The following TMEM164 variants were observed in gnomAD, a reference collection of about 807,000 sequenced individuals.
The protein encoded by TMEM164 is RP13-360B22.2.
Under a neutral mutation model 18.8 loss-of-function variants are expected in TMEM164, and 4 were observed. The observed-to-expected ratio is 0.21, with a 90% CI of 0.10 to 0.49. The LOEUF (loss-of-function observed/expected upper bound fraction) is 0.49. Among genes scored for constraint, TMEM164 ranks in the 20% least tolerant of loss-of-function variants. TMEM164 has a pLI of 0.98. For synonymous variants in TMEM164, 86 were observed against 101.7 expected (o/e 0.85, Z 0.93); for missense variants, 108 against 239.9 (o/e 0.45, Z 3.63).
At chrX:110,099,782 A>C (rs1437720656) in intron 3 of TMEM164, among the ~76,000 whole-genome samples, 1 of 112,002 alleles carries the variant, frequency 8.9e-6, no homozygotes, top group Non-Finnish European at 1.9e-5. Context: ...GACTCTATAG[A>C]TCGTTTTGGT....
chrX:110,117,695 A>G (rs1337389881), intron 4 of TMEM164, among the ~76,000 whole-genome samples: 1 of 112,417 alleles, frequency 8.9e-6, no homozygotes, highest in East Asian at 2.8e-4. Flanking sequence ...AAAATAATAC[A>G]TGGTCATTGA....
chrX:110,069,633 G>A (rs1031415065), intron 3 of TMEM164, among the ~76,000 whole-genome samples: 2 of 105,945 alleles, frequency 1.9e-5, no homozygotes, highest in Admixed American at 1.0e-4. Flanking sequence ...TGGCCAGGCT[G>A]GTCTCGAACT....
chrX:110,129,276 G>T (rs1268038148), intron 4 of TMEM164, among the ~76,000 whole-genome samples: 2 of 112,626 alleles, frequency 1.8e-5, no homozygotes, highest in Admixed American at 9.4e-5. Flanking sequence ...ATCGTCCTAG[G>T]GGGCAGGAGT....
chrX:110,166,726 C>T (rs922223894), intron 5 of TMEM164, among the ~76,000 whole-genome samples: 4 of 112,081 alleles, frequency 3.6e-5, no homozygotes, highest in Non-Finnish European at 7.5e-5. Flanking sequence ...ATGCTTCTCT[C>T]TTCCTGGGAT....
intron 3 of TMEM164, among the ~76,000 whole-genome samples, chrX:110,081,648 A>T (rs1030123179): frequency 8.9e-6 from 1 of 112,699 alleles, no homozygotes; most frequent in African/African-American, 3.2e-5. Flanking sequence ...TAAATTGTTA[A>T]AAGTATGAAA....
chrX:110,155,154 G>A, intron 5 of TMEM164, among the ~76,000 whole-genome samples: 1 of 111,445 alleles, frequency 9.0e-6, no homozygotes, highest in Non-Finnish European at 1.9e-5. Flanking sequence ...CTGAGAGCAT[G>A]CTTGTCAGTG....
intron 5 of TMEM164, among the ~76,000 whole-genome samples, chrX:110,169,397 A>C (rs2067200664): frequency 9.2e-6 from 1 of 108,919 alleles, no homozygotes; most frequent in African/African-American, 3.4e-5. Context: ...TTTTCCCCCC[A>C]CTCTCCTCCA....
chrX:110,049,413 C>T (rs1304273484), intron 2 of TMEM164, among the ~76,000 whole-genome samples: 1 of 111,067 alleles, frequency 9.0e-6, no homozygotes, highest in African/African-American at 3.3e-5. Context: ...TGAAACTGTT[C>T]CACTTCAGAT....
At chrX:110,070,044 G>A (rs1163441945) in intron 3 of TMEM164, among the ~76,000 whole-genome samples, 2 of 111,656 alleles carry the variant, frequency 1.8e-5, no homozygotes, top group Admixed American at 9.5e-5. Context: ...GGCCGGGCAC[G>A]GTGGCTCACG....
intron 3 of TMEM164, among the ~76,000 whole-genome samples, chrX:110,067,740 G>A (rs1250483430): frequency 1.8e-5 from 2 of 112,338 alleles, no homozygotes; most frequent in Admixed American, 1.9e-4. Context: ...TGCTTTGTGA[G>A]CCTACTGCTC....
At chrX:110,112,747 C>T (rs888164567) in intron 4 of TMEM164, among the ~76,000 whole-genome samples, 1 of 111,949 alleles carries the variant, frequency 8.9e-6, no homozygotes, top group African/African-American at 3.2e-5. Flanking sequence ...TGCCTCTTCA[C>T]TTGGTCCTTT....
At chrX:110,152,071 G>A (rs1011409307) in intron 5 of TMEM164, among the ~76,000 whole-genome samples, 1 of 27,902 alleles carries the variant, frequency 3.6e-5, no homozygotes, top group Admixed American at 4.7e-4. Context: ...TTTTTTTTTT[G>A]TCTGAGACGT....
intron 3 of TMEM164, among the ~76,000 whole-genome samples, chrX:110,073,966 CT>C (rs1334481428): frequency 3.6e-5 from 4 of 110,850 alleles, no homozygotes; most frequent in East Asian, 5.7e-4. Flanking sequence ...TAAACTCATC[CT>C]CCCGGGTCCA....
chrX:110,133,079 G>C (rs1467155245), intron 4 of TMEM164, among the ~76,000 whole-genome samples: 2 of 112,069 alleles, frequency 1.8e-5, no homozygotes, highest in African/African-American at 6.5e-5. Context: ...CCACTGGTGA[G>C]TGGCTATCTT....
chrX:110,168,461 A>T (rs754715461), intron 5 of TMEM164, among the ~76,000 whole-genome samples: 1 of 112,544 alleles, frequency 8.9e-6, no homozygotes, highest in African/African-American at 3.2e-5. Flanking sequence ...TGAGCTCCCT[A>T]GTGAGTCCCC....
intron 5 of TMEM164, among the ~76,000 whole-genome samples, chrX:110,150,135 T>C (rs764095321): frequency 2.3e-4 from 26 of 112,298 alleles, no homozygotes; most frequent in Non-Finnish European, 3.9e-4. Context: ...TATGAGAACT[T>C]AGAACAAAAC....
chrX:110,109,028 C>T, intron 3 of TMEM164, 52 bp from the exon 4 acceptor site: 1 of 1,139,704 alleles, frequency 8.8e-7, no homozygotes. Flanking sequence ...TTTTTTCTCC[C>T]TTTGTATCAG....
intron 2 of TMEM164, among the ~76,000 whole-genome samples, 181 bp from the exon 3 acceptor site, chrX:110,067,166 A>G (rs1490379638): frequency 1.8e-5 from 2 of 110,874 alleles, no homozygotes; most frequent in South Asian, 3.8e-4. Flanking sequence ...ACACACACAC[A>G]CACACACACA....
At chrX:110,138,620 G>A (rs1243092607) in intron 4 of TMEM164, among the ~76,000 whole-genome samples, 1 of 112,010 alleles carries the variant, frequency 8.9e-6, no homozygotes, top group Non-Finnish European at 1.9e-5. Context: ...AGAACAGAGG[G>A]TGATGTGCGA....
Sources: gnomAD v4.1 joint callset for allele counts (sites outside exome capture counted in the v4.1 genomes callset) on GRCh38, gnomAD v4.1.1 for gene constraint, MANE v1.5 for transcripts, NCBI Gene and HGNC (gene_info 2026-07-23, HGNC 2026-07-21) for gene names.